The following IGF2BP1 variants were observed in gnomAD, a reference collection of about 807,000 sequenced individuals.
The protein encoded by IGF2BP1 is insulin like growth factor 2 mRNA binding protein 1, also known as insulin-like growth factor 2 mRNA-binding protein 1.
A neutral mutation model predicts 74.9 loss-of-function variants in IGF2BP1; 11 were observed. The observed-to-expected ratio is 0.15, with a 90% CI of 0.09 to 0.24. IGF2BP1 has a LOEUF of 0.24. IGF2BP1 is among the 10% of genes least tolerant of loss of function. The pLI is 1.00. For missense variants in IGF2BP1, 440 were observed against 757.4 expected (o/e 0.58, Z 4.92); for synonymous variants, 287 against 281.8 (o/e 1.02, Z -0.18).
rs2042191011 is a variant in IGF2BP1 at position 49,053,530 on chromosome 17, G to GTA, written c.*4087_*4088dup. 1.3e-5 allele frequency: 2 copies of GTA among 152,896 alleles called. No individual in the cohort carries two copies. Among genetic ancestry groups the GTA allele is most frequent in the African/African-American group, 4.8e-5 (2 of 41,466 alleles). The allele number at this position is 152,896 out of a possible 1,614,324, so 9.5% of individuals were successfully genotyped here. On this transcript the variant is annotated 3_prime_UTR_variant, in exon 15 of 15. Coordinates refer to ENST00000290341, the MANE Select transcript of IGF2BP1 (RefSeq NM_006546.4). ...AAGGAGAGGAAGTTTGGGGCTCCAG[G>GTA]TAGCTCCCTGTTGTGGGACTGCTCT... is the stretch of plus-strand genomic sequence containing the variant.
upstream of IGF2BP1, among the ~76,000 whole-genome samples, chr17:48,996,928 CGACCCTCTCCTGAA>C (rs2041407962): frequency 1.3e-5 from 2 of 152,064 alleles, no homozygotes; most frequent in African/African-American, 4.8e-5. Flanking sequence ...CCAGCTCGTG[CGACCCTCTCCTGAA>C]GACCCCAGAG....
intron 1 of IGF2BP1, among the ~76,000 whole-genome samples, chr17:48,998,349 C>G (rs2041435432): frequency 6.6e-6 from 1 of 152,270 alleles, no homozygotes; most frequent in African/African-American, 2.4e-5. Flanking sequence ...TTAGGCCTTT[C>G]CAGGCGTGGA....
chr17:49,008,442 CT>C (rs2041577562), intron 2 of IGF2BP1, among the ~76,000 whole-genome samples: 1 of 152,176 alleles, frequency 6.6e-6, no homozygotes, highest in Admixed American at 6.5e-5. Flanking sequence ...TATGCTGCTG[CT>C]GTTGGCTTTT....
intron 2 of IGF2BP1, 106 bp from the exon 3 acceptor site, chr17:49,025,512 C>T (rs149603645): frequency 1.0e-3 from 940 of 935,836 alleles, no homozygotes; most frequent in Non-Finnish European, 1.4e-3. Flanking sequence ...TGTTGGTGAG[C>T]AGAAGGTGGG....
intron 2 of IGF2BP1, among the ~76,000 whole-genome samples, chr17:49,019,995 TACACACACACACAC>T (rs1172777163): frequency 2.1e-5 from 1 of 47,916 alleles, no homozygotes; most frequent in African/African-American, 1.3e-4. Context: ...CACATATATA[TACACACACACACAC>T]ATATATATAC....
chr17:49,029,763 G>A (rs2041900616), intron 4 of IGF2BP1, among the ~76,000 whole-genome samples: 1 of 151,728 alleles, frequency 6.6e-6, no homozygotes, highest in South Asian at 2.1e-4. Context: ...AAGTAGCTGG[G>A]ACTATTGGTG....
intron 2 of IGF2BP1, among the ~76,000 whole-genome samples, chr17:49,007,201 G>C (rs2041560602): frequency 6.6e-6 from 1 of 152,182 alleles, no homozygotes; most frequent in South Asian, 2.1e-4. Flanking sequence ...TTCATGTCCT[G>C]CTCTTGGTAA....
intron 9 of IGF2BP1, among the ~76,000 whole-genome samples, 174 bp from the exon 10 acceptor site, chr17:49,043,254 G>A (rs1218795892): frequency 2.0e-5 from 3 of 152,170 alleles, no homozygotes; most frequent in Non-Finnish European, 2.9e-5. Flanking sequence ...TTCCACACCC[G>A]AAGTGTGTAG....
At chr17:49,039,259 ATTTAC>A (rs1318152047) in intron 6 of IGF2BP1, among the ~76,000 whole-genome samples, 1 of 151,830 alleles carries the variant, frequency 6.6e-6, no homozygotes, top group African/African-American at 2.4e-5. Context: ...AAATCTTGTT[ATTTAC>A]TTTGAGTTTG....
intron 5 of IGF2BP1, among the ~76,000 whole-genome samples, chr17:49,035,100 A>G (rs1287356438): frequency 6.6e-6 from 1 of 152,246 alleles, no homozygotes; most frequent in Non-Finnish European, 1.5e-5. Flanking sequence ...GATCAATGGA[A>G]TAGAATTCAG....
At chr17:49,015,453 C>T (rs1451799501) in intron 2 of IGF2BP1, among the ~76,000 whole-genome samples, 2 of 152,210 alleles carry the variant, frequency 1.3e-5, no homozygotes, top group Admixed American at 1.3e-4. Context: ...CGAAACTTCC[C>T]TTCCCACTGC....
chr17:49,027,158 G>C (rs999348959), intron 4 of IGF2BP1, among the ~76,000 whole-genome samples: 1 of 152,166 alleles, frequency 6.6e-6, no homozygotes, highest in Admixed American at 6.5e-5. Flanking sequence ...CCTCGGCTTC[G>C]GATCTTGGTT....
At chr17:49,046,224 T>G (rs1231837873) in intron 13 of IGF2BP1, 36 bp from the exon 14 acceptor site, 1 of 1,580,284 alleles carries the variant, frequency 6.3e-7, no homozygotes. Flanking sequence ...CATGCTTTCT[T>G]GATGGCACCC....
At chr17:49,027,282 CA>C (rs1295039191) in intron 4 of IGF2BP1, among the ~76,000 whole-genome samples, 10 of 152,096 alleles carry the variant, frequency 6.6e-5, no homozygotes, top group Admixed American at 3.9e-4. Flanking sequence ...ATGGCTATCC[CA>C]GGATTTTAGA....
intron 3 of IGF2BP1, among the ~76,000 whole-genome samples, chr17:49,025,884 T>C (rs1433291450): frequency 6.6e-6 from 1 of 150,832 alleles, no homozygotes; most frequent in Non-Finnish European, 1.5e-5. Context: ...AGATGGAGTT[T>C]TGCTCTTTTT....
At chr17:49,009,037 G>GT (rs959757650) in intron 2 of IGF2BP1, among the ~76,000 whole-genome samples, 17 of 151,688 alleles carry the variant, frequency 1.1e-4, no homozygotes, top group African/African-American at 1.9e-4. Context: ...TTTTGTTTCT[G>GT]TTTTTTTTGA....
At chr17:49,014,934 G>A (rs537028212) in intron 2 of IGF2BP1, 1 of 985,256 alleles carries the variant, frequency 1.0e-6, no homozygotes, top group Admixed American at 6.1e-5. Context: ...GGAGGACAGA[G>A]CCCGACTCTG....
Position 49,048,571 on chromosome 17 carries a change from T to C in IGF2BP1, c.1642-781T>C, listed in dbSNP as rs146151328. Among the ~76,000 whole-genome samples, 48 of 152,274 alleles carry C rather than the reference T, an allele frequency of 3.2e-4. No individual in the cohort carries two copies. In the East Asian group the frequency reaches 7.9e-3, roughly 25 times the overall value. On this transcript the variant is annotated intron_variant, in intron 14 of 14. Transcript: ENST00000290341. ...CACCTGGCCATATCTAGACATATTA[T>C]TCCTTTTCCTGGGGTATTAAAATGA...
intron 2 of IGF2BP1, among the ~76,000 whole-genome samples, chr17:48,999,859 G>A (rs1227200045): frequency 6.6e-6 from 1 of 151,706 alleles, no homozygotes; most frequent in African/African-American, 2.4e-5. Flanking sequence ...CATCTGGGGT[G>A]AGAGCTTTGT....
Sources: allele counts gnomAD v4.1 joint callset (sites outside exome capture counted in the v4.1 genomes callset), GRCh38; gene constraint gnomAD v4.1.1; transcripts MANE v1.5; gene names NCBI Gene and HGNC (gene_info 2026-07-23, HGNC 2026-07-21).